The following ATP10A variants were observed in gnomAD, a reference collection of about 807,000 sequenced individuals.
ATP10A encodes the protein ATPase phospholipid transporting 10A (putative).
ATP10A carries 111 observed loss-of-function variants against 147.8 expected under a neutral mutation model. The ratio of observed to expected loss-of-function variants is 0.75; its 90% confidence interval spans 0.64 to 0.88. The LOEUF (loss-of-function observed/expected upper bound fraction) is 0.88, where lower values mean the gene tolerates loss of function less well. ATP10A is among the 40% of genes least tolerant of loss of function. ATP10A has a pLI of 0.00. For synonymous variants in ATP10A, 875 were observed against 841.6 expected, an observed-to-expected ratio of 1.04 and a Z score of -0.69; for missense variants, 1,927 against 1,959.0, an observed-to-expected ratio of 0.98 and a Z score of 0.31.
At chr15:25,717,108 C>T (rs1159238568) in intron 8 of ATP10A, among the ~76,000 whole-genome samples, 184 bp from the exon 9 acceptor site, 1 of 152,148 alleles carries the variant, frequency 6.6e-6, no homozygotes, top group African/African-American at 2.4e-5. Flanking sequence ...ATATACAGAG[C>T]TTCTATCCAC....
At chr15:25,676,729 AATTAT>A (rs1899143786), downstream of ATP10A, among the ~76,000 whole-genome samples, 3 of 123,108 alleles carry the variant, frequency 2.4e-5, no homozygotes, top group Non-Finnish European at 5.9e-5. Flanking sequence ...ATATTAATAT[AATTAT>A]GTCTCCTTTC....
At chr15:25,850,916 G>A (rs1450928123) in intron 1 of ATP10A, among the ~76,000 whole-genome samples, 1 of 152,140 alleles carries the variant, frequency 6.6e-6, no homozygotes, top group Non-Finnish European at 1.5e-5. Context: ...TCAAATGTGC[G>A]GTGACAGCCT....
chr15:25,726,828 G>T (rs1279549339), intron 4 of ATP10A, among the ~76,000 whole-genome samples: 1 of 151,258 alleles, frequency 6.6e-6, no homozygotes, highest in African/African-American at 2.4e-5. Context: ...AAGGCGGGCG[G>T]ATCACGAGAT....
At chr15:25,850,046 CTAAATA>C (rs1382232133) in intron 1 of ATP10A, among the ~76,000 whole-genome samples, 1 of 152,092 alleles carries the variant, frequency 6.6e-6, no homozygotes, top group East Asian at 1.9e-4. Flanking sequence ...ACATACATAA[CTAAATA>C]TAATTAAATC....
At chr15:25,844,786 C>T (rs1596990460) in intron 1 of ATP10A, among the ~76,000 whole-genome samples, 1 of 152,306 alleles carries the variant, frequency 6.6e-6, no homozygotes, top group East Asian at 1.9e-4. Flanking sequence ...GGCTTGCCGT[C>T]TGGGGACATG....
rs1193274839 is a variant in ATP10A at position 25,683,452 on chromosome 15, A to C, written c.3326T>G (p.Phe1109Cys). 3.7e-6 allele frequency: 6 copies of C among 1,614,044 alleles called. No individual in the cohort carries two copies. The East Asian group carries it at 1.3e-4, about 36-fold the overall frequency. ...FVGLLFWFQF[F>C]CGFSASTMID... ...CATGGTAGATGCAGAGAAGCCACAGAAAAACTGGAACCAAAACAGGAGGCC... is the reference window on the plus strand; with the variant it reads ...CATGGTAGATGCAGAGAAGCCACAGCAAAACTGGAACCAAAACAGGAGGCC... The change falls in exon 17 of 21, where the codon TTC (phenylalanine) becomes TGC (cysteine). Residue 1109 changes from phenylalanine (F) to cysteine (C), a missense_variant. Transcript: ENST00000555815.
chr15:25,757,737 C>G (rs1027606920), intron 2 of ATP10A, among the ~76,000 whole-genome samples: 3 of 152,192 alleles, frequency 2.0e-5, no homozygotes, highest in Non-Finnish European at 4.4e-5. Flanking sequence ...AATTTCTTTT[C>G]AAAGAATTAA....
intron 7 of ATP10A, 114 bp downstream of exon 7, chr15:25,721,543 C>CGT (rs59037981): frequency 0.018 from 13,458 of 747,678 alleles, 113 homozygotes; most frequent in African/African-American, 0.056. Flanking sequence ...ATCCCTGAAG[C>CGT]GTGTGTGTGT....
chr15:25,803,054 G>T (rs959305647), intron 1 of ATP10A, among the ~76,000 whole-genome samples: 3 of 152,212 alleles, frequency 2.0e-5, no homozygotes, highest in Admixed American at 6.5e-5. Context: ...ATGGCCAAGG[G>T]CTGAGTCTTT....
intron 1 of ATP10A, among the ~76,000 whole-genome samples, chr15:25,801,529 G>A (rs770803340): frequency 6.6e-6 from 1 of 152,234 alleles, no homozygotes; most frequent in Non-Finnish European, 1.5e-5. Context: ...GGGCGGACGA[G>A]AGTCCTGGGG....
intron 13 of ATP10A, among the ~76,000 whole-genome samples, chr15:25,698,059 G>A (rs576769224): frequency 1.3e-5 from 2 of 152,274 alleles, no homozygotes; most frequent in East Asian, 3.9e-4. Context: ...GAGGCATGAT[G>A]ACAAAATGTA....
intron 10 of ATP10A, chr15:25,710,752 C>G (rs1002672895): frequency 2.0e-5 from 3 of 152,188 alleles, no homozygotes. Flanking sequence ...GTGAGGCCCA[C>G]GCTAGGCAGT....
intron 1 of ATP10A, among the ~76,000 whole-genome samples, chr15:25,796,280 C>G (rs1425744310): frequency 6.6e-6 from 1 of 152,092 alleles, no homozygotes; most frequent in African/African-American, 2.4e-5. Flanking sequence ...TGGTGTACCC[C>G]TGTGGTCCCA....
intron 1 of ATP10A, among the ~76,000 whole-genome samples, chr15:25,808,679 T>C (rs1891301782): frequency 6.6e-6 from 1 of 152,214 alleles, no homozygotes; most frequent in Non-Finnish European, 1.5e-5. Flanking sequence ...CCACAGTGCC[T>C]GGCTGAGAAC....
intron 2 of ATP10A, among the ~76,000 whole-genome samples, chr15:25,764,064 C>T (rs1382241840): frequency 6.6e-6 from 1 of 152,178 alleles, no homozygotes; most frequent in Non-Finnish European, 1.5e-5. Flanking sequence ...TGCAGGGCTT[C>T]TCAGTCTCCA....
chr15:25,845,734 C>A (rs1892998590), intron 1 of ATP10A, among the ~76,000 whole-genome samples: 1 of 152,116 alleles, frequency 6.6e-6, no homozygotes, highest in Non-Finnish European at 1.5e-5. Flanking sequence ...ACAAATGCTA[C>A]CGTGGGAGGG....
At chr15:25,785,609 T>C (rs1016301928) in intron 1 of ATP10A, among the ~76,000 whole-genome samples, 15 of 152,064 alleles carry the variant, frequency 9.9e-5, no homozygotes, top group African/African-American at 3.6e-4. Context: ...AGGAGAGGCA[T>C]CTCACCCTGC....
At chr15:25,738,119 C>T (rs903342744) in intron 2 of ATP10A, among the ~76,000 whole-genome samples, 10 of 140,026 alleles carry the variant, frequency 7.1e-5, no homozygotes, top group Middle Eastern at 3.3e-3. Flanking sequence ...GTTTACATTG[C>T]TTATTTCTAA....
At chr15:25,753,146 TACTA>T (rs897117002) in intron 2 of ATP10A, among the ~76,000 whole-genome samples, 17 of 152,142 alleles carry the variant, frequency 1.1e-4, no homozygotes, top group Non-Finnish European at 2.4e-4. Flanking sequence ...AATATTCCAT[TACTA>T]ACTATATTCA....
Sources: gnomAD v4.1 joint callset for allele counts (sites outside exome capture counted in the v4.1 genomes callset) on GRCh38, gnomAD v4.1.1 for gene constraint, MANE v1.5 for transcripts, NCBI Gene and HGNC (gene_info 2026-07-23, HGNC 2026-07-21) for gene names.